The following BICD1 variants were observed in gnomAD, a reference collection of about 807,000 sequenced individuals.
The protein encoded by BICD1 is protein bicaudal D homolog 1.
In BICD1, 35 loss-of-function variants were observed where a neutral mutation model predicts 92.5. That is an observed-to-expected ratio of 0.38 (90% CI 0.29 to 0.50). BICD1 has a LOEUF of 0.50. Ranked by LOEUF, BICD1 falls within the 20% of genes least tolerant of loss-of-function variation. The probability of loss-of-function intolerance (pLI) is 0.93; values close to 1 mark genes in which losing one functional copy is unlikely to be tolerated. For synonymous variants in BICD1, 429 were observed against 465.1 expected (o/e 0.92, Z 1.00); for missense variants, 950 against 1,189.8 (o/e 0.80, Z 2.97).
At chr12:32,149,114 T>G (rs1412975073) in intron 1 of BICD1, among the ~76,000 whole-genome samples, 1 of 152,170 alleles carries the variant, frequency 6.6e-6, no homozygotes. Context: ...CATACATTGT[T>G]CCTGTACTGC....
chr12:32,193,601 A>G (rs945876601), intron 1 of BICD1, among the ~76,000 whole-genome samples: 1 of 152,218 alleles, frequency 6.6e-6, no homozygotes, highest in African/African-American at 2.4e-5. Flanking sequence ...CAAATTGGAT[A>G]ACCTGGAAGA....
At chr12:32,242,482 G>A (rs776712718) in intron 2 of BICD1, among the ~76,000 whole-genome samples, 8 of 151,758 alleles carry the variant, frequency 5.3e-5, no homozygotes, top group Non-Finnish European at 8.8e-5. Flanking sequence ...AGCTGAGATC[G>A]TGCCACTGCA....
chr12:32,234,657 CT>C (rs796108601), intron 2 of BICD1, among the ~76,000 whole-genome samples: 2 of 146,116 alleles, frequency 1.4e-5, no homozygotes, highest in African/African-American at 2.5e-5. Flanking sequence ...CTAAACACCA[CT>C]TTTTTTTTCT....
intron 1 of BICD1, among the ~76,000 whole-genome samples, chr12:32,153,225 A>G (rs1317774581): frequency 1.3e-5 from 2 of 152,090 alleles, no homozygotes; most frequent in Non-Finnish European, 2.9e-5. Context: ...AGCTGCATCT[A>G]TGTTGCTGCA....
intron 8 of BICD1, among the ~76,000 whole-genome samples, chr12:32,342,232 A>ATATG: frequency 7.3e-6 from 1 of 136,868 alleles, no homozygotes; most frequent in East Asian, 2.1e-4. Flanking sequence ...ATATATATAT[A>ATATG]TGTATAGTTT....
chr12:32,252,080 AT>A (rs74186720), intron 2 of BICD1, among the ~76,000 whole-genome samples: 1,051 of 44,382 alleles, frequency 0.024, 16 homozygotes, highest in Non-Finnish European at 0.031. Context: ...TATAATATAT[AT>A]TTATAAATAT....
At chr12:32,229,424 G>A (rs1056049038) in intron 2 of BICD1, among the ~76,000 whole-genome samples, 30 of 152,114 alleles carry the variant, frequency 2.0e-4, no homozygotes, top group African/African-American at 7.2e-4. Flanking sequence ...ACTGGTAAAG[G>A]AGACTAAAAA....
In BICD1 at chr12:32,107,130, T is replaced by A; in HGVS notation, c.-202T>A. On this transcript the variant is annotated 5_prime_UTR_variant, in exon 1 of 10. It removes an upstream start codon present in the reference 5' UTR. Coordinates refer to ENST00000652176, the MANE Select transcript of BICD1 (RefSeq NM_001714.4). ...CCCTGACCCTCTGCCCTGTTCTCCA[T>A]GTTGCATTTCTCGTCAGTTTCTCGG... is the stretch of plus-strand genomic sequence containing the variant. The A allele has an allele frequency of 1.7e-6, 1 of 597,990 alleles. No individual in the cohort carries two copies. The highest frequency in any genetic ancestry group is 2.0e-5 in the South Asian group (1 of 50,704). The allele number at this position is 597,990 out of a possible 1,614,324, so 37.0% of individuals were successfully genotyped here.
intron 8 of BICD1, among the ~76,000 whole-genome samples, chr12:32,364,112 G>A (rs1321422547): frequency 6.6e-6 from 1 of 152,152 alleles, no homozygotes; most frequent in African/African-American, 2.4e-5. Flanking sequence ...CATTTTCTCT[G>A]TTCACCTTTT....
At chr12:32,307,711 AT>A (rs1363340021) in intron 4 of BICD1, among the ~76,000 whole-genome samples, 1 of 152,218 alleles carries the variant, frequency 6.6e-6, no homozygotes, top group Admixed American at 6.5e-5. Context: ...AATGATGTTG[AT>A]TTGTTAACAG....
intron 1 of BICD1, among the ~76,000 whole-genome samples, chr12:32,133,145 A>G (rs1195195605): frequency 1.3e-5 from 2 of 152,272 alleles, no homozygotes; most frequent in Non-Finnish European, 2.9e-5. Flanking sequence ...TGAATTTGAA[A>G]ATTCTTGTGG....
intron 2 of BICD1, among the ~76,000 whole-genome samples, chr12:32,265,369 T>A (rs2136134629): frequency 6.6e-6 from 1 of 152,136 alleles, no homozygotes; most frequent in Middle Eastern, 3.4e-3. Context: ...ATGTATAAGG[T>A]AACTATAAAC....
intron 2 of BICD1, among the ~76,000 whole-genome samples, chr12:32,234,155 T>C (rs954722873): frequency 6.6e-6 from 1 of 152,210 alleles, no homozygotes; most frequent in Non-Finnish European, 1.5e-5. Flanking sequence ...TTGAATTAAG[T>C]TAGAACACTA....
Position 32,377,682 on chromosome 12 carries a change from G to T in BICD1, c.*55G>T, listed in dbSNP as rs1940029789. On this transcript the variant is annotated 3_prime_UTR_variant, in exon 10 of 10. Transcript: ENST00000652176. The stretch of plus-strand genomic sequence containing the variant: ...GTGGAAGTTTTGTAGCCACACACAG[G>T]ATACTGCCCAAGATCCAGCGGGTGT... 3 of 1,450,294 alleles carry T rather than the reference G, an allele frequency of 2.1e-6. No homozygotes were observed. The South Asian group carries it at 3.4e-5, about 17-fold the overall frequency. The allele number at this position is 1,450,294 out of a possible 1,614,324, so 89.8% of individuals were successfully genotyped here.
chr12:32,190,792 C>G (rs767822711), intron 1 of BICD1, among the ~76,000 whole-genome samples: 2 of 152,130 alleles, frequency 1.3e-5, no homozygotes, highest in African/African-American at 2.4e-5. Flanking sequence ...CAGCAGAATA[C>G]ACGTTTTTCT....
intron 1 of BICD1, among the ~76,000 whole-genome samples, chr12:32,129,219 C>G (rs993003295): frequency 4.6e-5 from 7 of 151,368 alleles, no homozygotes; most frequent in African/African-American, 1.4e-4. Flanking sequence ...AGAGGCCCAA[C>G]TAATTTTTTA....
At chr12:32,173,868 G>A (rs145935325) in intron 1 of BICD1, among the ~76,000 whole-genome samples, 3 of 152,166 alleles carry the variant, frequency 2.0e-5, no homozygotes, top group African/African-American at 7.2e-5. Context: ...GAACACTTTA[G>A]GAATTGCTTA....
At chr12:32,176,491 A>T (rs1171793723) in intron 1 of BICD1, among the ~76,000 whole-genome samples, 3 of 152,230 alleles carry the variant, frequency 2.0e-5, no homozygotes, top group Non-Finnish European at 4.4e-5. Flanking sequence ...ACATGTATAC[A>T]TGCATGTATA....
At chr12:32,221,426 G>A (rs968423756) in intron 2 of BICD1, among the ~76,000 whole-genome samples, 2 of 151,722 alleles carry the variant, frequency 1.3e-5, no homozygotes, top group African/African-American at 4.8e-5. Context: ...GCTCATGCCT[G>A]TAATCCCAGC....
Sources: gnomAD v4.1 joint callset for allele counts (sites outside exome capture counted in the v4.1 genomes callset) on GRCh38, gnomAD v4.1.1 for gene constraint, MANE v1.5 for transcripts, NCBI Gene and HGNC (gene_info 2026-07-23, HGNC 2026-07-21) for gene names.